Variants in SCARA3 observed in about 807,000 individuals in gnomAD.
The protein encoded by SCARA3 is scavenger receptor class A member 3.
A neutral mutation model predicts 47.0 loss-of-function variants in SCARA3; 39 were observed. That is an observed-to-expected ratio of 0.83 (90% CI 0.64 to 1.08). SCARA3 has a LOEUF of 1.08. SCARA3 is among the 50% of genes least tolerant of loss of function. The pLI is 0.00. For synonymous variants in SCARA3, 356 were observed against 334.1 expected (o/e 1.07, Z -0.71); for missense variants, 724 against 792.3 (o/e 0.91, Z 1.04).
the SCARA3 span, among the ~76,000 whole-genome samples, chr8:27,705,746 G>A: frequency 3.3e-5 from 5 of 152,174 alleles, no homozygotes; most frequent in Non-Finnish European, 7.4e-5. Flanking sequence ...GTGAGGACAA[G>A]CAAAAAGGTT....
the SCARA3 span, among the ~76,000 whole-genome samples, chr8:27,683,235 A>G: frequency 6.6e-6 from 1 of 152,098 alleles, no homozygotes; most frequent in African/African-American, 2.4e-5. Flanking sequence ...AAGAGGCAAA[A>G]CCAATATAGC....
intron 1 of SCARA3, among the ~76,000 whole-genome samples, chr8:27,646,462 T>TA (rs1282370811): frequency 7.2e-5 from 11 of 152,124 alleles, no homozygotes; most frequent in African/African-American, 2.2e-4. Flanking sequence ...GCAAAGGCTA[T>TA]AAACAGTGAA....
rs1009379472 is a variant in SCARA3, at chr8:27,636,731, C to A, written c.7+2524C>A. 2.6e-5 allele frequency among the ~76,000 whole-genome samples: 4 copies of A among 152,184 alleles called. No homozygotes were observed. In the East Asian group the frequency reaches 5.8e-4, roughly 22 times the overall value. On this transcript the variant is annotated intron_variant, in intron 1 of 5. Transcript: ENST00000301904. Reference sequence around the variant, plus strand: ...TGTTTTTCCTCCAGCCTCCGGAAACCCCTCAGTGATCTCCCATAACATCAC... The same window carrying A: ...TGTTTTTCCTCCAGCCTCCGGAAACACCTCAGTGATCTCCCATAACATCAC...
At chr8:27,679,437 A>T (rs890969193), downstream of SCARA3, among the ~76,000 whole-genome samples, 3 of 152,220 alleles carry the variant, frequency 2.0e-5, no homozygotes, top group African/African-American at 7.2e-5. Context: ...TTCACTTCTC[A>T]TAAGTCAAAA....
intron 3 of SCARA3, among the ~76,000 whole-genome samples, chr8:27,653,439 T>C (rs754620189): frequency 3.3e-5 from 5 of 152,146 alleles, no homozygotes; most frequent in Non-Finnish European, 5.9e-5. Context: ...CGGGAGACCT[T>C]TGGGTTTCCT....
the SCARA3 span, among the ~76,000 whole-genome samples, chr8:27,710,615 A>G: frequency 3.3e-5 from 5 of 152,330 alleles, no homozygotes; most frequent in East Asian, 9.6e-4. Flanking sequence ...TGTTTTGAAG[A>G]AATCCATAAT....
downstream of SCARA3, among the ~76,000 whole-genome samples, chr8:27,681,106 A>G (rs1802347940): frequency 6.6e-6 from 1 of 152,234 alleles, no homozygotes; most frequent in East Asian, 1.9e-4. Context: ...TGACTCTTAC[A>G]ACTTACAGCC....
At chr8:27,642,987 C>T (rs1801415541) in intron 1 of SCARA3, among the ~76,000 whole-genome samples, 1 of 152,026 alleles carries the variant, frequency 6.6e-6, no homozygotes, top group South Asian at 2.1e-4. Context: ...AGTGAGTAGC[C>T]TAGGTTCTTG....
intron 4 of SCARA3, 129 bp downstream of exon 4, chr8:27,657,009 C>G: frequency 1.6e-6 from 1 of 644,008 alleles, no homozygotes; most frequent in East Asian, 2.7e-5. Context: ...CTATCCCCAG[C>G]TCCCTGCTCC....
chr8:27,663,983 T>C (rs1358354999), intron 5 of SCARA3, among the ~76,000 whole-genome samples: 4 of 152,246 alleles, frequency 2.6e-5, no homozygotes, highest in African/African-American at 9.6e-5. Context: ...CAAGGCATTG[T>C]GCCTTCTTTT....
rs750778244 is a variant in SCARA3 at position 27,670,908 on chromosome 8, G to A, written c.1378G>A (p.Gly460Ser). 4.6e-6 allele frequency: 7 copies of A among 1,525,254 alleles called. 1 individual carries two copies. Among genetic ancestry groups the A allele is most frequent in the African/African-American group, 2.8e-5 (2 of 71,030 alleles). The allele number at this position is 1,525,254 out of a possible 1,614,324, so 94.5% of individuals were successfully genotyped here. Residue 460 changes from glycine to serine, a missense_variant, in exon 6 of 6, where the codon GGC (glycine) becomes AGC (serine). Transcript: ENST00000301904. ...RNVTILRGAP[G>S]PPGPRGFKGD... ...CTTCTCTCCAACCTCAGGTGCCCCC[G>A]GCCCTCCAGGACCAAGAGGATTCAA...
At chr8:27,728,125 A>G in the SCARA3 span, among the ~76,000 whole-genome samples, 3 of 152,226 alleles carry the variant, frequency 2.0e-5, no homozygotes, top group South Asian at 6.2e-4. Flanking sequence ...CTCATTTAGC[A>G]AGTGGTTTCC....
chr8:27,657,832 A>G (rs34574104), intron 4 of SCARA3, among the ~76,000 whole-genome samples: 1,741 of 152,038 alleles, frequency 0.011, 79 homozygotes, highest in Admixed American at 0.074. Context: ...GAGCCACTGC[A>G]CCCAGCATCT....
At chr8:27,661,767 G>A (rs1004943589) in intron 5 of SCARA3, among the ~76,000 whole-genome samples, 5 of 152,152 alleles carry the variant, frequency 3.3e-5, no homozygotes, top group African/African-American at 1.2e-4. Context: ...CTGCTGGGGT[G>A]ATCTAAACCT....
chr8:27,685,862 T>C, the SCARA3 span, among the ~76,000 whole-genome samples: 1 of 129,994 alleles, frequency 7.7e-6, no homozygotes, highest in Non-Finnish European at 1.7e-5. Flanking sequence ...TTTTTATGAC[T>C]GGGGAGGTGC....
At chr8:27,645,341 A>G (rs1011751482) in intron 1 of SCARA3, among the ~76,000 whole-genome samples, 2 of 152,260 alleles carry the variant, frequency 1.3e-5, no homozygotes, top group Non-Finnish European at 2.9e-5. Flanking sequence ...TCTTTATGGA[A>G]CATCCACTAT....
intron 1 of SCARA3, among the ~76,000 whole-genome samples, chr8:27,648,688 G>A (rs514194): frequency 0.18 from 28,001 of 152,020 alleles, 3,171 homozygotes; most frequent in Middle Eastern, 0.33. Context: ...GCTATAAAAT[G>A]TAGACATTAA....
At chr8:27,685,920 A>G in the SCARA3 span, among the ~76,000 whole-genome samples, 1 of 152,164 alleles carries the variant, frequency 6.6e-6, no homozygotes, top group Non-Finnish European at 1.5e-5. Context: ...AAATAAACAC[A>G]TGAGGTGGGG....
At chr8:27,684,102 T>C in the SCARA3 span, among the ~76,000 whole-genome samples, 2 of 152,160 alleles carry the variant, frequency 1.3e-5, no homozygotes, top group African/African-American at 4.8e-5. Context: ...ATGAAAATGG[T>C]CTCTATGTTA....
Sources: gnomAD v4.1 joint callset for allele counts (sites outside exome capture counted in the v4.1 genomes callset) on GRCh38, gnomAD v4.1.1 for gene constraint, MANE v1.5 for transcripts, NCBI Gene and HGNC (gene_info 2026-07-23, HGNC 2026-07-21) for gene names.